Variants in PLEKHG5 observed in about 807,000 individuals in gnomAD.
PLEKHG5 encodes the protein pleckstrin homology and RhoGEF domain containing G5.
PLEKHG5 carries 52 observed loss-of-function variants against 103.8 expected under a neutral mutation model. That is an observed-to-expected ratio of 0.50 (90% CI 0.40 to 0.63). PLEKHG5 has a LOEUF of 0.63. PLEKHG5 is among the 30% of genes least tolerant of loss of function. The pLI is 0.00. For synonymous variants in PLEKHG5, 592 were observed against 575.5 expected, an observed-to-expected ratio of 1.03 and a Z score of -0.41; for missense variants, 1,205 against 1,347.6, an observed-to-expected ratio of 0.89 and a Z score of 1.66.
upstream of PLEKHG5, among the ~76,000 whole-genome samples, chr1:6,494,001 C>T (rs1213538806): frequency 8.6e-5 from 13 of 151,270 alleles, no homozygotes; most frequent in Admixed American, 7.9e-4. Flanking sequence ...GCCCAGGCTG[C>T]AGTGCAGTGG....
intron 12 of PLEKHG5, 34 bp downstream of exon 12, chr1:6,471,454 C>G: frequency 6.3e-7 from 1 of 1,598,414 alleles, no homozygotes; most frequent in Non-Finnish European, 8.5e-7. Context: ...AGCCCTGCCT[C>G]AGTGCCCCCG....
Position 6,486,656 on chromosome 1 carries a change from G to C in PLEKHG5, c.-88+4981C>G, listed in dbSNP as rs551171765. 9.2e-5 allele frequency among the ~76,000 whole-genome samples: 14 copies of C among 152,354 alleles called. No homozygotes were observed. The South Asian group carries it at 2.5e-3, about 27-fold the overall frequency. On this transcript the variant is annotated intron_variant, in intron 1 of 20. Transcript: ENST00000377728. The surrounding 1 kb of genome is among the most constrained non-coding windows in gnomAD (Gnocchi z 5.3). ...GGTCCCCACCGCCAGGGGGCACTCA[G>C]CAAAGCCTGAGAGGACGCAAACGCC...
rs918675536 is a variant in PLEKHG5 at position 6,501,776 on chromosome 1, T to G, written c.-164-5207A>C. 6.6e-6 allele frequency among the ~76,000 whole-genome samples: 1 copy of G among 152,174 alleles called. No homozygotes were observed. Among genetic ancestry groups the G allele is most frequent in the African/African-American group, 2.4e-5 (1 of 41,434 alleles). On this transcript the variant is annotated intron_variant, in intron 1 of 21. Coordinates refer to the PLEKHG5 transcript ENST00000377740. This position sits in a 1 kb window ranked among gnomAD's most constrained non-coding sequence, Gnocchi z 4.3. The stretch of plus-strand genomic sequence containing the variant: ...CCATGGGGCCTGACACAATTAGCTG[T>G]CTGGAAAACGTGAATTGGTCCCCCC...
At position 6,486,062 on chromosome 1, in the gene PLEKHG5, G is replaced by C. The variant is rs1645031006; in HGVS notation, c.-88+5575C>G. On this transcript the variant is annotated intron_variant, in intron 1 of 20. Coordinates refer to ENST00000377728, the MANE Select transcript of PLEKHG5 (RefSeq NM_020631.6). The surrounding 1 kb of genome is among the most constrained non-coding windows in gnomAD (Gnocchi z 5.3). Reference sequence around the variant, plus strand: ...CCCTGGGGGTGCCCACTCTGCTGTGGTCCCCACCTCACCCTCAGCGCCAAC... The same window carrying C: ...CCCTGGGGGTGCCCACTCTGCTGTGCTCCCCACCTCACCCTCAGCGCCAAC... The C allele has an allele frequency of 5.3e-6, 1 of 189,494 alleles. No homozygotes were observed. Among genetic ancestry groups the C allele is most frequent in the Admixed American group, 6.6e-5 (1 of 15,236 alleles). The allele number at this position is 189,494 out of a possible 1,614,324, so 11.7% of individuals were successfully genotyped here.
intron 1 of PLEKHG5, chr1:6,485,460 C>T: frequency 4.8e-6 from 6 of 1,253,864 alleles, no homozygotes; most frequent in Non-Finnish European, 6.0e-6. Flanking sequence ...CGGAGGAAGC[C>T]GCGGTCTGCG....
chr1:6,518,104 T>C (rs921830936), intron 1 of PLEKHG5, among the ~76,000 whole-genome samples: 15 of 151,818 alleles, frequency 9.9e-5, no homozygotes, highest in African/African-American at 3.6e-4. Flanking sequence ...AGCTGATTTT[T>C]TGTATTTTTA....
intron 1 of PLEKHG5, among the ~76,000 whole-genome samples, chr1:6,517,259 A>G (rs1404254400): frequency 6.7e-6 from 1 of 149,820 alleles, no homozygotes; most frequent in African/African-American, 2.5e-5. Flanking sequence ...GTGAGCCGAG[A>G]TCGCGCCACT....
At chr1:6,518,639 C>T (rs1207095237) in intron 1 of PLEKHG5, among the ~76,000 whole-genome samples, 2 of 151,838 alleles carry the variant, frequency 1.3e-5, no homozygotes, top group African/African-American at 4.8e-5. Flanking sequence ...TTCCCGAGAG[C>T]TACAAAGACA....
intron 1 of PLEKHG5, among the ~76,000 whole-genome samples, chr1:6,502,763 A>C (rs1645309719): frequency 6.6e-6 from 1 of 152,186 alleles, no homozygotes; most frequent in African/African-American, 2.4e-5. Context: ...CCCACCCTGC[A>C]TGGGCCCCGG....
chr1:6,496,861 C>A (rs930105623), upstream of PLEKHG5: 2 of 777,538 alleles, frequency 2.6e-6, no homozygotes, highest in South Asian at 2.0e-5. Context: ...AGTGGGGGAG[C>A]GCTCAGTGAC....
chr1:6,477,288 G>C (rs1644786776), intron 2 of PLEKHG5, among the ~76,000 whole-genome samples: 1 of 152,234 alleles, frequency 6.6e-6, no homozygotes, highest in South Asian at 2.1e-4. Flanking sequence ...AAGCAGCTGG[G>C]GGAGGTGAGA....
chr1:6,493,687 G>A (rs759778657), upstream of PLEKHG5, among the ~76,000 whole-genome samples: 1 of 152,116 alleles, frequency 6.6e-6, no homozygotes, highest in African/African-American at 2.4e-5. Context: ...ACAGAGTCTC[G>A]CTCTGTTGCC....
rs143545780 is a variant in PLEKHG5 at position 6,470,307 on chromosome 1, C to T, written c.1729G>A (p.Ala577Thr). Residue 577 changes from alanine (A) to threonine (T), a missense_variant, in exon 16 of 21, where the codon GCC becomes ACC. Ala to Thr is a moderately conservative substitution (Grantham distance 58). Coordinates refer to ENST00000377728, the MANE Select transcript of PLEKHG5 (RefSeq NM_020631.6). ...AGCTGCCGCGTCTCCTCCGGGGAGG[C>T]GCCAGGGATGGGCGCTGTCAAGTCC... ...HLDLTAPIPG[A>T]SPEETRQLLL... 130 of 1,613,902 alleles carry T rather than the reference C, an allele frequency of 8.1e-5. No homozygotes were observed. The highest frequency in any genetic ancestry group is 6.6e-4 in the Middle Eastern group (4 of 6,084).
chr1:6,474,287 T>G, intron 6 of PLEKHG5, 123 bp from the exon 7 acceptor site: 7 of 723,854 alleles, frequency 9.7e-6, no homozygotes, highest in Non-Finnish European at 1.4e-5. Context: ...AGCCCCGCCC[T>G]GCCAGCACCC....
In PLEKHG5 at chr1:6,471,008, G is replaced by T; in HGVS notation, c.1374C>A (p.Leu458=). Reference sequence around the variant, plus strand: ...CCCTCACCGTGATGTAGGCCCGGAAGAGGTCGTTGTCGCGCAGCAGGCCGC... The same window carrying T: ...CCCTCACCGTGATGTAGGCCCGGAATAGGTCGTTGTCGCGCAGCAGGCCGC... ...YMRGLLRDND[L]FRAYITWAEK... Residue 458 remains leucine (L), a synonymous_variant, in exon 13 of 21, where the codon CTC becomes CTA. Coordinates refer to ENST00000377728, the MANE Select transcript of PLEKHG5 (RefSeq NM_020631.6). 1 of 1,605,262 alleles carries T rather than the reference G, an allele frequency of 6.2e-7. No individual in the cohort carries two copies. Among genetic ancestry groups the T allele is most frequent in the Non-Finnish European group, 8.5e-7 (1 of 1,176,370 alleles).
intron 1 of PLEKHG5, among the ~76,000 whole-genome samples, chr1:6,502,953 G>A (rs139993995): frequency 6.6e-6 from 1 of 152,236 alleles, no homozygotes; most frequent in Non-Finnish European, 1.5e-5. Context: ...GCACACACGG[G>A]TGAACAGGTC....
At chr1:6,493,153 G>A (rs183033773), upstream of PLEKHG5, among the ~76,000 whole-genome samples, 906 of 152,288 alleles carry the variant, frequency 5.9e-3, 9 homozygotes, top group African/African-American at 0.02. Flanking sequence ...AACATCAAGG[G>A]TGGGCCCAGA....
intron 1 of PLEKHG5, among the ~76,000 whole-genome samples, chr1:6,503,993 C>T (rs1638227221): frequency 6.6e-6 from 1 of 152,262 alleles, no homozygotes; most frequent in African/African-American, 2.4e-5. Context: ...AGCAGCCCCA[C>T]TTTGCCCCAC....
chr1:6,502,367 C>T (rs1163691186), intron 1 of PLEKHG5, among the ~76,000 whole-genome samples: 2 of 152,262 alleles, frequency 1.3e-5, no homozygotes, highest in South Asian at 2.1e-4. Context: ...GGCCAGGACA[C>T]TGCTTCTGCC....
Sources: allele counts gnomAD v4.1 joint callset (sites outside exome capture counted in the v4.1 genomes callset), GRCh38; gene constraint gnomAD v4.1.1; non-coding constraint Gnocchi (gnomAD v3.1); transcripts MANE v1.5; gene names NCBI Gene and HGNC (gene_info 2026-07-23, HGNC 2026-07-21).